The following RANBP2 variants were observed in gnomAD, a reference collection of about 807,000 sequenced individuals.
RANBP2 encodes RAN binding protein 2, also known as E3 SUMO-protein ligase RanBP2.
In RANBP2, 57 loss-of-function variants were observed where a neutral mutation model predicts 303.6. The observed-to-expected ratio is 0.19, with a 90% CI of 0.15 to 0.23. RANBP2 has a LOEUF of 0.23. RANBP2 is among the 10% of genes least tolerant of loss of function. RANBP2 has a pLI of 1.00. For missense variants in RANBP2, 3,138 were observed against 3,780.8 expected (o/e 0.83, Z 4.46); for synonymous variants, 1,167 against 1,301.5 (o/e 0.90, Z 2.23).
rs780731207 is a variant in RANBP2 at position 108,753,605 on chromosome 2, A to T, written c.2055+42A>T. 10 of 1,595,632 alleles carry T rather than the reference A, an allele frequency of 6.3e-6. No individual in the cohort carries two copies. In the African/African-American group the frequency reaches 1.2e-4, roughly 20 times the overall value. On this transcript the variant is annotated intron_variant, in intron 14 of 28. Transcript: ENST00000283195. The stretch of plus-strand genomic sequence containing the variant: ...CTTGAGCTAAAAGTTTTATTTATTT[A>T]TTTATTATTTTTTTAAAAGACGGGG...
chr2:109,545,487 T>G, the RANBP2 span: 1 of 1,536,166 alleles, frequency 6.5e-7, no homozygotes, highest in Non-Finnish European at 8.7e-7. Context: ...CGTCCACCAT[T>G]GGTTTCACAA....
At chr2:108,948,239 C>T in the RANBP2 span, among the ~76,000 whole-genome samples, 1 of 152,216 alleles carries the variant, frequency 6.6e-6, no homozygotes, top group African/African-American at 2.4e-5. Flanking sequence ...ACCACCTAAG[C>T]CTGGACTTCA....
the RANBP2 span, among the ~76,000 whole-genome samples, chr2:109,349,332 A>G: frequency 6.6e-6 from 1 of 152,152 alleles, no homozygotes; most frequent in African/African-American, 2.4e-5. Flanking sequence ...CCTTCCTTTT[A>G]TCAAGGTGTT....
At chr2:109,684,640 T>C in the RANBP2 span, among the ~76,000 whole-genome samples, 2 of 151,054 alleles carry the variant, frequency 1.3e-5, no homozygotes, top group Non-Finnish European at 2.9e-5. Flanking sequence ...TTCCAGTGAT[T>C]CTCCTGCCTC....
At chr2:109,434,484 C>T in the RANBP2 span, among the ~76,000 whole-genome samples, 1 of 152,240 alleles carries the variant, frequency 6.6e-6, no homozygotes, top group Non-Finnish European at 1.5e-5. Context: ...GGCCGGGCAA[C>T]TCCTGACGTG....
the RANBP2 span, among the ~76,000 whole-genome samples, chr2:109,549,075 C>T: frequency 3.3e-5 from 5 of 152,078 alleles, no homozygotes; most frequent in African/African-American, 1.2e-4. Flanking sequence ...TAAATGGTTC[C>T]TGCTTTTAAA....
chr2:108,778,812 G>C (rs543816804), intron 25 of RANBP2, among the ~76,000 whole-genome samples: 1 of 150,264 alleles, frequency 6.7e-6, no homozygotes, highest in Non-Finnish European at 1.5e-5. Flanking sequence ...CTGCTGCCTT[G>C]ACCTCCTGGG....
chr2:109,055,759 ATTTTT>A, the RANBP2 span, among the ~76,000 whole-genome samples: 12 of 105,214 alleles, frequency 1.1e-4, no homozygotes, highest in Non-Finnish European at 1.9e-4. Context: ...CAGCTCTAAC[ATTTTT>A]TTTTTTTTTT....
the RANBP2 span, among the ~76,000 whole-genome samples, chr2:108,886,991 T>TA: frequency 2.6e-5 from 4 of 152,318 alleles, no homozygotes; most frequent in South Asian, 8.3e-4. Context: ...TAGGCTTTCT[T>TA]ATGCTGTTTT....
chr2:109,774,505 T>TATATATTATATATATTTTATATATA, the RANBP2 span, among the ~76,000 whole-genome samples: 1 of 32,070 alleles, frequency 3.1e-5, no homozygotes, highest in South Asian at 1.2e-3. Context: ...CAAACATATA[T>TATATATTATATATATTTTATATATA]ATATATATAA....
the RANBP2 span, among the ~76,000 whole-genome samples, chr2:109,742,716 T>C: frequency 5.5e-5 from 8 of 146,186 alleles, 1 homozygote; most frequent in African/African-American, 1.8e-4. Flanking sequence ...ATAGTCAACA[T>C]GGTATTAAAG....
At chr2:109,354,718 C>A in the RANBP2 span, among the ~76,000 whole-genome samples, 1 of 152,240 alleles carries the variant, frequency 6.6e-6, no homozygotes, top group Admixed American at 6.5e-5. Context: ...ACAGGGAAGG[C>A]GAGCGTCGGC....
At chr2:108,848,145 T>C in the RANBP2 span, among the ~76,000 whole-genome samples, 20 of 152,150 alleles carry the variant, frequency 1.3e-4, no homozygotes, top group Non-Finnish European at 2.5e-4. Flanking sequence ...ATAAGAAAAA[T>C]TATTAATCAT....
the RANBP2 span, among the ~76,000 whole-genome samples, chr2:109,734,716 G>A: frequency 6.6e-6 from 1 of 152,066 alleles, no homozygotes. Context: ...AGAGTTGGAA[G>A]ACTCACACTT....
chr2:109,617,573 T>C, the RANBP2 span: 1 of 167,136 alleles, frequency 6.0e-6, no homozygotes. Context: ...TGCTGAAACC[T>C]AAGTACCTGC....
At chr2:109,327,956 T>C in the RANBP2 span, among the ~76,000 whole-genome samples, 2 of 152,238 alleles carry the variant, frequency 1.3e-5, no homozygotes, top group Admixed American at 1.3e-4. Context: ...ACAATGACCC[T>C]GTGTCAGGCG....
the RANBP2 span, among the ~76,000 whole-genome samples, chr2:109,394,237 C>CAA: frequency 6.6e-6 from 1 of 152,172 alleles, no homozygotes; most frequent in Non-Finnish European, 1.5e-5. Context: ...GCTGGGGAGA[C>CAA]AAAGTGTTGG....
At chr2:109,657,894 A>G in the RANBP2 span, among the ~76,000 whole-genome samples, 1 of 151,274 alleles carries the variant, frequency 6.6e-6, no homozygotes, top group African/African-American at 2.4e-5. Flanking sequence ...TAATTTTTGT[A>G]TTTTTAGTGG....
the RANBP2 span, among the ~76,000 whole-genome samples, chr2:109,630,930 G>GT: frequency 6.6e-6 from 1 of 152,094 alleles, no homozygotes; most frequent in Non-Finnish European, 1.5e-5. Context: ...ACTGGGCGTG[G>GT]TGGCAGGCAC....
Sources: gnomAD v4.1 joint callset for allele counts (sites outside exome capture counted in the v4.1 genomes callset) on GRCh38, gnomAD v4.1.1 for gene constraint, MANE v1.5 for transcripts, NCBI Gene and HGNC (gene_info 2026-07-23, HGNC 2026-07-21) for gene names.